GTF2IRD2B: variants seen among roughly 807,000 people sequenced by gnomAD.
GTF2IRD2B encodes general transcription factor II-I repeat domain-containing protein 2B.
Under a neutral mutation model 55.6 loss-of-function variants are expected in GTF2IRD2B, and 10 were observed. The ratio of observed to expected loss-of-function variants is 0.18; its 90% CI spans 0.11 to 0.31. The LOEUF (loss-of-function observed/expected upper bound fraction) is 0.31. Ranked by LOEUF, GTF2IRD2B falls within the 10% of genes least tolerant of loss-of-function variation. The probability of loss-of-function intolerance (pLI) is 1.00; values close to 1 mark genes in which losing one functional copy is unlikely to be tolerated. For synonymous variants in GTF2IRD2B, 107 were observed against 320.5 expected (o/e 0.33, Z 7.12); for missense variants, 206 against 802.7 (o/e 0.26, Z 8.98).
At chr7:75,115,127 G>T (rs1262973886) in intron 3 of GTF2IRD2B, among the ~76,000 whole-genome samples, 1 of 131,192 alleles carries the variant, frequency 7.6e-6, no homozygotes, top group East Asian at 2.1e-4. Flanking sequence ...TTTTGAGACA[G>T]GGTTTTACTA....
chr7:75,103,357 C>G (rs1475475258), intron 1 of GTF2IRD2B, among the ~76,000 whole-genome samples: 1 of 151,178 alleles, frequency 6.6e-6, no homozygotes, highest in East Asian at 1.9e-4. Context: ...GAGTACAGCC[C>G]GTGGTTCTCC....
At chr7:75,102,234 C>T (rs587750173) in intron 1 of GTF2IRD2B, among the ~76,000 whole-genome samples, 3 of 151,478 alleles carry the variant, frequency 2.0e-5, no homozygotes, top group African/African-American at 7.2e-5. Flanking sequence ...ATCTCTTGAC[C>T]TTGTGATCCG....
At chr7:75,104,786 G>A (rs1807719013) in intron 1 of GTF2IRD2B, among the ~76,000 whole-genome samples, 2 of 152,260 alleles carry the variant, frequency 1.3e-5, no homozygotes, top group African/African-American at 2.4e-5. Context: ...GGACCTACGC[G>A]TCTCATGGCT....
intron 3 of GTF2IRD2B, among the ~76,000 whole-genome samples, chr7:75,119,693 AAC>A (rs1808304047): frequency 7.1e-6 from 1 of 141,278 alleles, no homozygotes; most frequent in Non-Finnish European, 1.5e-5. Context: ...AGTGTGAAAT[AAC>A]AGACACTGGA....
intron 1 of GTF2IRD2B, among the ~76,000 whole-genome samples, chr7:75,106,105 T>A (rs1807795552): frequency 6.6e-6 from 1 of 152,422 alleles, no homozygotes; most frequent in Admixed American, 6.5e-5. Context: ...CTTAGCTCCC[T>A]TACATCTTCA....
chr7:75,105,525 C>A (rs1218332158), intron 1 of GTF2IRD2B, among the ~76,000 whole-genome samples: 2 of 152,296 alleles, frequency 1.3e-5, no homozygotes, highest in South Asian at 2.1e-4. Flanking sequence ...AAACAGACAA[C>A]CAAATCTTTC....
At chr7:75,134,883 G>C (rs1554453356) in intron 9 of GTF2IRD2B, 118 bp from the exon 10 acceptor site, 40 of 1,481,944 alleles carry the variant, frequency 2.7e-5, no homozygotes, top group Non-Finnish European at 3.5e-5. Context: ...ATTTCAAGGG[G>C]TAGAAGTATT....
At chr7:75,101,727 T>C (rs1807566441) in intron 1 of GTF2IRD2B, among the ~76,000 whole-genome samples, 1 of 148,830 alleles carries the variant, frequency 6.7e-6, no homozygotes, top group African/African-American at 2.5e-5. Flanking sequence ...ACCCCATCTC[T>C]ACTACAAATA....
At chr7:75,134,422 C>G (rs1554453307) in intron 9 of GTF2IRD2B, among the ~76,000 whole-genome samples, 2 of 140,630 alleles carry the variant, frequency 1.4e-5, no homozygotes, top group East Asian at 3.8e-4. Flanking sequence ...ACAATCAGAC[C>G]TAAGTCTGAT....
At chr7:75,092,906 C>A (rs1266775943) in intron 1 of GTF2IRD2B, 141 bp downstream of exon 1, 2 of 151,938 alleles carry the variant, frequency 1.3e-5, no homozygotes, top group Non-Finnish European at 3.0e-5. Flanking sequence ...GACACCCCGG[C>A]GCCCCGAGGC....
intron 3 of GTF2IRD2B, 83 bp from the exon 4 acceptor site, chr7:75,120,808 T>C (rs1808336703): frequency 1.9e-6 from 3 of 1,565,080 alleles, no homozygotes; most frequent in Admixed American, 4.2e-5. Context: ...TTTCCCTTTT[T>C]TCTTTCAATA....
At position 75,148,159 on chromosome 7, in the gene GTF2IRD2B, A is replaced by C; in HGVS notation, c.1712A>C (p.Asp571Ala). 1.2e-6 allele frequency: 2 copies of C among 1,613,626 alleles called. No homozygotes were observed. Among genetic ancestry groups the C allele is most frequent in the Non-Finnish European group, 1.7e-6 (2 of 1,179,762 alleles). The change falls in exon 16 of 16, where the codon GAT (aspartate) becomes GCT (alanine). Residue 571 changes from aspartate (D) to alanine (A), a missense_variant. Physicochemically the swap from Asp to Ala is moderately radical, Grantham distance 126. Transcript: ENST00000472837. ...TQLAIFIRGV[D>A]ENFDVSEELL... is the part of the protein sequence containing the mutation. ...TTGGCCATATTCATCCGTGGTGTCG[A>C]TGAGAATTTCGATGTGTCCGAAGAA...
intron 8 of GTF2IRD2B, 151 bp from the exon 9 acceptor site, chr7:75,132,983 CA>C (rs1808715982): frequency 7.4e-6 from 1 of 135,634 alleles, no homozygotes; most frequent in Non-Finnish European, 1.4e-5. Flanking sequence ...ATTTTTGTAT[CA>C]AGAGGTCAAA....
chr7:75,148,303 C>T lies in GTF2IRD2B; in HGVS notation c.1856C>T (p.Thr619Ile). The change falls in exon 16 of 16, where the codon ACT becomes ATT. Residue 619 changes from threonine to isoleucine, a missense_variant. Physicochemically the swap from Thr to Ile is moderately conservative, Grantham distance 89 (BLOSUM62 -1). Coordinates refer to ENST00000472837, the MANE Select transcript of GTF2IRD2B (RefSeq NM_001003795.3). ...NWSRLVSVAS[T>I]GTPAMVDANN... ...TCGAGATTAGTAAGCGTGGCCTCCA[C>T]TGGCACCCCAGCGATGGTGGATGCC... 1 of 1,613,678 alleles carries T rather than the reference C, an allele frequency of 6.2e-7. No homozygotes were observed.
intron 1 of GTF2IRD2B, among the ~76,000 whole-genome samples, chr7:75,103,587 C>T (rs1554421681): frequency 6.6e-6 from 1 of 151,646 alleles, no homozygotes; most frequent in Admixed American, 6.6e-5. Flanking sequence ...CAGGAAGGAA[C>T]CTCGGGACAA....
At chr7:75,124,051 A>G in intron 6 of GTF2IRD2B, among the ~76,000 whole-genome samples, 1 of 151,564 alleles carries the variant, frequency 6.6e-6, no homozygotes, top group Non-Finnish European at 1.5e-5. Flanking sequence ...TTTTAAAAAA[A>G]GAAAAATACA....
At chr7:75,106,596 C>T (rs1371866246) in intron 1 of GTF2IRD2B, among the ~76,000 whole-genome samples, 1 of 97,640 alleles carries the variant, frequency 1.0e-5, no homozygotes, top group African/African-American at 3.6e-5. Flanking sequence ...AAGCTAACTT[C>T]ATTTAGAGCT....
chr7:75,101,376 C>T (rs192861791), intron 1 of GTF2IRD2B, among the ~76,000 whole-genome samples: 99 of 151,158 alleles, frequency 6.5e-4, no homozygotes, highest in African/African-American at 2.1e-3. Context: ...TTGAGACCAG[C>T]GTGGGCAACA....
At chr7:75,103,593 G>T (rs1311812256) in intron 1 of GTF2IRD2B, among the ~76,000 whole-genome samples, 2 of 151,640 alleles carry the variant, frequency 1.3e-5, no homozygotes, top group African/African-American at 4.8e-5. Context: ...GGAACCTCGG[G>T]ACAAGCAAAG....
Sources: allele counts gnomAD v4.1 joint callset (sites outside exome capture counted in the v4.1 genomes callset), GRCh38; gene constraint gnomAD v4.1.1; transcripts MANE v1.5; gene names NCBI Gene and HGNC (gene_info 2026-07-23, HGNC 2026-07-21).